The following RRM2B variants were observed in gnomAD, a reference collection of about 807,000 sequenced individuals.
RRM2B encodes the protein ribonucleotide reductase regulatory TP53 inducible subunit M2B.
In RRM2B, 20 loss-of-function variants were observed where a neutral mutation model predicts 45.9. The ratio of observed to expected loss-of-function variants is 0.44; its 90% confidence interval spans 0.31 to 0.63. RRM2B has a LOEUF of 0.63. RRM2B is among the 30% of genes least tolerant of loss of function. The pLI is 0.09. For synonymous variants in RRM2B, 124 were observed against 132.3 expected, an observed-to-expected ratio of 0.94 and a Z score of 0.43; for missense variants, 320 against 414.7, an observed-to-expected ratio of 0.77 and a Z score of 1.98.
At chr8:102,228,291 A>T (rs1251796234) in intron 2 of RRM2B, among the ~76,000 whole-genome samples, 2 of 152,172 alleles carry the variant, frequency 1.3e-5, no homozygotes, top group African/African-American at 2.4e-5. Context: ...GACAGACTCC[A>T]GGAGAAGATT....
At chr8:102,227,132 GC>G (rs1408125273) in intron 2 of RRM2B, among the ~76,000 whole-genome samples, 1 of 151,684 alleles carries the variant, frequency 6.6e-6, no homozygotes, top group Admixed American at 6.6e-5. Flanking sequence ...ACAGGTGTGA[GC>G]CATCACAGGT....
intron 7 of RRM2B, among the ~76,000 whole-genome samples, chr8:102,213,805 C>A: frequency 6.6e-6 from 1 of 151,290 alleles, no homozygotes; most frequent in East Asian, 1.9e-4. Context: ...ATCAATAAGA[C>A]AGAAAAATAG....
chr8:102,231,868 C>CAAAAAA (rs1250881056), intron 2 of RRM2B, among the ~76,000 whole-genome samples: 29 of 60,098 alleles, frequency 4.8e-4, no homozygotes, highest in South Asian at 1.3e-3. Context: ...GACTCTGTCT[C>CAAAAAA]AAAAAAAAAA....
At position 102,218,969 on chromosome 8, in the gene RRM2B, C is replaced by T. The variant is rs752843758; in HGVS notation, c.551-22G>A. The stretch of plus-strand genomic sequence containing the variant: ...TCCCCTGGGAGACATAAAATCGTTT[C>T]AATTTTTGAAATATACTGCAAACAT... On this transcript the variant is annotated intron_variant, in intron 5 of 8. Transcript: ENST00000251810. The T allele has an allele frequency of 1.4e-5, 23 of 1,609,998 alleles. No individual in the cohort carries two copies. The East Asian group carries it at 4.9e-4, about 34-fold the overall frequency.
intron 2 of RRM2B, 39 bp from the exon 3 acceptor site, chr8:102,226,073 T>A: frequency 8.1e-7 from 1 of 1,235,284 alleles, no homozygotes. Flanking sequence ...AATTTGGAGT[T>A]AAGTTCTTCT....
chr8:102,231,772 G>C (rs1426289560), intron 2 of RRM2B, among the ~76,000 whole-genome samples: 1 of 151,578 alleles, frequency 6.6e-6, no homozygotes, highest in Non-Finnish European at 1.5e-5. Context: ...AGGAAGCTGA[G>C]GCAGGAGAAT....
chr8:102,227,332 C>T (rs1230065918), intron 2 of RRM2B, among the ~76,000 whole-genome samples: 1 of 152,022 alleles, frequency 6.6e-6, no homozygotes, highest in African/African-American at 2.4e-5. Context: ...GGGTTTCACT[C>T]CGTCACCCAG....
intron 2 of RRM2B, among the ~76,000 whole-genome samples, chr8:102,231,882 A>G (rs1395101021): frequency 1.3e-5 from 2 of 151,806 alleles, no homozygotes; most frequent in East Asian, 1.9e-4. Context: ...AAAAAAAAAA[A>G]AAAAGAAAAA....
Position 102,208,191 on chromosome 8 carries a change from C to A in RRM2B, c.998G>T (p.Arg333Leu). ...FFEKRVSEYQ[R>L]FAVMAETTDN... ...TGTGGTTTCTGCCATAACTGCAAAA[C>A]GCTGATACTCTGAAACTCGTTTCTC... is the stretch of plus-strand genomic sequence containing the variant. The change falls in exon 9 of 9, where the codon CGT becomes CTT. Residue 333 changes from arginine to leucine, a missense_variant. Arg to Leu is a moderately radical substitution (Grantham distance 102, BLOSUM62 -2). Transcript: ENST00000251810. 1 of 1,613,160 alleles carries A rather than the reference C, an allele frequency of 6.2e-7. No individual in the cohort carries two copies. The highest frequency in any genetic ancestry group is 8.5e-7 in the Non-Finnish European group (1 of 1,179,304).
rs1811181789 is a variant in RRM2B at position 102,238,901 on chromosome 8, C to CGCTGAGGGAACTGAGCT, written c.-44_-28dup. Reference sequence around the variant, plus strand: ...GCGCAGACTCCGCCGAAGCTACGGGCGCTGAGGGAACTGAGCTCCTCAGGC... The same window carrying CGCTGAGGGAACTGAGCT: ...GCGCAGACTCCGCCGAAGCTACGGGCGCTGAGGGAACTGAGCTGCTGAGGGAACTGAGCTCCTCAGGC... On this transcript the variant is annotated 5_prime_UTR_variant, in exon 1 of 9. Transcript: ENST00000251810. The CGCTGAGGGAACTGAGCT allele has an allele frequency of 2.5e-6, 4 of 1,607,524 alleles. No individual in the cohort carries two copies. The highest frequency in any genetic ancestry group is 3.4e-6 in the Non-Finnish European group (4 of 1,179,624).
chr8:102,232,370 T>G (rs1811048042), intron 1 of RRM2B, 66 bp from the exon 2 acceptor site: 7 of 1,509,636 alleles, frequency 4.6e-6, no homozygotes, highest in African/African-American at 1.4e-5. Context: ...TACCTAAACA[T>G]ACATCTAAGG....
intron 3 of RRM2B, among the ~76,000 whole-genome samples, chr8:102,225,527 C>T (rs1329044829): frequency 2.6e-5 from 4 of 152,070 alleles, no homozygotes; most frequent in African/African-American, 4.8e-5. Flanking sequence ...CCACCGTACC[C>T]GGCCTATCTT....
intron 1 of RRM2B, 75 bp from the exon 2 acceptor site, chr8:102,232,379 G>C (rs1811048283): frequency 6.9e-7 from 1 of 1,443,622 alleles, no homozygotes; most frequent in Admixed American, 1.7e-5. Context: ...ATACATCTAA[G>C]GAAGTCAGGG....
intron 1 of RRM2B, 39 bp from the exon 2 acceptor site, chr8:102,232,343 C>T: frequency 1.9e-6 from 3 of 1,594,172 alleles, no homozygotes; most frequent in Non-Finnish European, 2.6e-6. Context: ...TTTATATAGA[C>T]ATTTCTTCTT....
chr8:102,208,123 G>A lies in RRM2B; in HGVS notation c.*10C>T, dbSNP rs1265117. On this transcript the variant is annotated 3_prime_UTR_variant, in exon 9 of 9. Coordinates refer to ENST00000251810, the MANE Select transcript of RRM2B (RefSeq NM_015713.5). Reference sequence around the variant, plus strand: ...TGACAAGTTTATAGAGTTTTAAAACGAGAGGTTTTTTAAAAATCTGCATCC... The same window carrying A: ...TGACAAGTTTATAGAGTTTTAAAACAAGAGGTTTTTTAAAAATCTGCATCC... 140 of 1,607,770 alleles carry A rather than the reference G, an allele frequency of 8.7e-5. No individual in the cohort carries two copies. The East Asian group carries it at 1.6e-3, about 19-fold the overall frequency.
intron 8 of RRM2B, among the ~76,000 whole-genome samples, chr8:102,212,104 ATTATT>A (rs1810644910): frequency 6.6e-6 from 1 of 152,204 alleles, no homozygotes; most frequent in Non-Finnish European, 1.5e-5. Flanking sequence ...TGTGTCTAAT[ATTATT>A]TTAAGTGCTT....
Position 102,224,127 on chromosome 8 carries a change from T to C in RRM2B, c.469A>G (p.Asn157Asp), listed in dbSNP as rs754657916. Reference protein sequence around the residue: ...RDPKKREFLFNAIETMPYVKK... With the variant: ...RDPKKREFLFDAIETMPYVKK... ...ACATAGGGCATGGTTTCAATTGCAT[T>C]AAATAAAAATTCCCTGTAAAAACAA... is the stretch of plus-strand genomic sequence containing the variant. Residue 157 changes from asparagine to aspartate, a missense_variant, in exon 5 of 9, where the codon AAT becomes GAT. Physicochemically the swap from Asn to Asp is conservative, Grantham distance 23. Transcript: ENST00000251810. 1.9e-6 allele frequency: 3 copies of C among 1,606,592 alleles called. No homozygotes were observed. Among genetic ancestry groups the C allele is most frequent in the East Asian group, 2.2e-5 (1 of 44,830 alleles).
chr8:102,238,442 T>C, intron 1 of RRM2B: 1 of 899,142 alleles, frequency 1.1e-6, no homozygotes, highest in Non-Finnish European at 1.5e-6. Context: ...GGTATGCACC[T>C]CTCCAGCAGA....
intron 1 of RRM2B, among the ~76,000 whole-genome samples, chr8:102,235,561 C>T (rs1006971830): frequency 2.6e-5 from 4 of 152,212 alleles, no homozygotes; most frequent in African/African-American, 9.7e-5. Context: ...TGAATTCAGG[C>T]CCGGCGTGGT....
Sources: gnomAD v4.1 joint callset for allele counts (sites outside exome capture counted in the v4.1 genomes callset) on GRCh38, gnomAD v4.1.1 for gene constraint, MANE v1.5 for transcripts, NCBI Gene and HGNC (gene_info 2026-07-23, HGNC 2026-07-21) for gene names.